Variants in KAZN observed in about 807,000 individuals in gnomAD.
KAZN encodes the protein kazrin.
In KAZN, 40 loss-of-function variants were observed where a neutral mutation model predicts 87.4. That is an observed-to-expected ratio of 0.46 (90% confidence interval 0.36 to 0.60). The LOEUF is 0.60. Among genes scored for constraint, KAZN ranks in the 20% least tolerant of loss-of-function variants. The pLI, the probability that KAZN is intolerant of heterozygous loss-of-function variation, is 0.00. For synonymous variants in KAZN, 466 were observed against 458.3 expected, an observed-to-expected ratio of 1.02 and a Z score of -0.22; for missense variants, 898 against 1,073.9, an observed-to-expected ratio of 0.84 and a Z score of 2.29.
chr1:14,300,384 A>G (rs1654460796), intron 2 of KAZN, among the ~76,000 whole-genome samples: 1 of 152,010 alleles, frequency 6.6e-6, no homozygotes. Context: ...GGTGCTCACT[A>G]CCATGCCCTG....
chr1:14,142,247 G>A (rs1645256311), intron 1 of KAZN, among the ~76,000 whole-genome samples: 3 of 151,974 alleles, frequency 2.0e-5, no homozygotes, highest in African/African-American at 4.8e-5. Flanking sequence ...AGCTGTGCCC[G>A]CTTGAAGTCT....
intron 1 of KAZN, among the ~76,000 whole-genome samples, chr1:14,112,597 A>G (rs1644524208): frequency 6.6e-6 from 1 of 152,132 alleles, no homozygotes; most frequent in Non-Finnish European, 1.5e-5. Context: ...TGACTCTGAT[A>G]AGATGTCACT....
At chr1:14,461,003 C>T (rs2480046) in intron 2 of KAZN, among the ~76,000 whole-genome samples, 1 of 151,910 alleles carries the variant, frequency 6.6e-6, no homozygotes, top group East Asian at 1.9e-4. Context: ...CCTGCGCTGT[C>T]GTCTGCCTGC....
chr1:14,212,073 G>A (rs142692608), intron 2 of KAZN, among the ~76,000 whole-genome samples: 65 of 152,220 alleles, frequency 4.3e-4, no homozygotes, highest in Middle Eastern at 3.4e-3. Flanking sequence ...AATGGTCCAC[G>A]GCTTTCACTC....
intron 2 of KAZN, among the ~76,000 whole-genome samples, chr1:14,225,690 A>G (rs146308291): frequency 2.0e-3 from 303 of 152,204 alleles, no homozygotes; most frequent in Middle Eastern, 3.4e-3. Flanking sequence ...GGCCAATGGA[A>G]CAGTAGTAAA....
intron 1 of KAZN, among the ~76,000 whole-genome samples, chr1:14,772,085 A>C (rs536892503): frequency 6.6e-6 from 1 of 152,224 alleles, no homozygotes; most frequent in East Asian, 1.9e-4. Context: ...ATCGGGTCCT[A>C]ATGGGTCTAT....
At chr1:14,943,491 C>G (rs180993625) in intron 1 of KAZN, among the ~76,000 whole-genome samples, 1 of 152,116 alleles carries the variant, frequency 6.6e-6, no homozygotes, top group African/African-American at 2.4e-5. Flanking sequence ...GGTCTCACAA[C>G]GAGAAGGCAG....
chr1:15,041,508 T>C (rs1672930207), intron 3 of KAZN, among the ~76,000 whole-genome samples: 1 of 151,746 alleles, frequency 6.6e-6, no homozygotes, highest in South Asian at 2.1e-4. Flanking sequence ...CAGCTAACTT[T>C]GTATTTTTAG....
chr1:14,093,842 T>C (rs1288098645), intron 1 of KAZN, among the ~76,000 whole-genome samples: 1 of 152,126 alleles, frequency 6.6e-6, no homozygotes, highest in Non-Finnish European at 1.5e-5. Flanking sequence ...CAGGTAGAAA[T>C]GCGATTGGAC....
intron 1 of KAZN, among the ~76,000 whole-genome samples, chr1:14,144,625 C>T (rs1645307437): frequency 6.6e-6 from 1 of 152,042 alleles, no homozygotes; most frequent in Admixed American, 6.6e-5. Context: ...TAACAGAATA[C>T]CTGAGACCAG....
chr1:14,867,939 C>A (rs1031248545), intron 1 of KAZN, among the ~76,000 whole-genome samples: 6 of 65,710 alleles, frequency 9.1e-5, no homozygotes, highest in African/African-American at 2.4e-4. Context: ...GCAGGCACAG[C>A]CTCACATAAG....
chr1:14,812,647 AG>A (rs1317003484), intron 1 of KAZN, among the ~76,000 whole-genome samples: 1 of 152,164 alleles, frequency 6.6e-6, no homozygotes, highest in Non-Finnish European at 1.5e-5. Context: ...CTGCATAGTT[AG>A]GACTACAGGT....
intron 1 of KAZN, among the ~76,000 whole-genome samples, chr1:14,040,080 C>CGTGTGTGTGTGTGCACGT (rs138590433): frequency 6.7e-6 from 1 of 148,722 alleles, no homozygotes; most frequent in African/African-American, 2.5e-5. Flanking sequence ...TGTGTGTGCA[C>CGTGTGTGTGTGTGCACGT]GTGTGTGTGT....
At chr1:14,924,084 C>T in intron 1 of KAZN, 9 of 960,900 alleles carry the variant, frequency 9.4e-6, no homozygotes, top group Non-Finnish European at 9.9e-6. Flanking sequence ...CGAGCCTCGG[C>T]AGTCGCCAGC....
Position 14,007,232 on chromosome 1 carries a change from T to C in KAZN, c.91+113476T>C, listed in dbSNP as rs920162220. Among the ~76,000 whole-genome samples, 49 of 152,338 alleles carry C rather than the reference T, an allele frequency of 3.2e-4. 1 individual carries two copies. Among genetic ancestry groups the C allele is most frequent in the African/African-American group, 8.4e-4 (35 of 41,588 alleles). ...GTTAATTAGTTCTAAAGTTCTTTCG[T>C]ATATATGTAGTCTTTAAGGTTTTCC... On this transcript the variant is annotated intron_variant, in intron 1 of 16. Coordinates refer to the KAZN transcript ENST00000636203.
intron 1 of KAZN, among the ~76,000 whole-genome samples, chr1:14,174,360 C>T (rs1209122254): frequency 1.3e-5 from 2 of 152,104 alleles, no homozygotes; most frequent in Non-Finnish European, 2.9e-5. Flanking sequence ...TATGTGTCAA[C>T]GTGATGTTGC....
chr1:13,907,505 G>C (rs1367942795), intron 1 of KAZN, among the ~76,000 whole-genome samples: 1 of 150,890 alleles, frequency 6.6e-6, no homozygotes, highest in African/African-American at 2.4e-5. Context: ...CTGTGTGTGT[G>C]TGTGTTGGGT....
chr1:14,656,732 A>T (rs754864867), intron 1 of KAZN, among the ~76,000 whole-genome samples: 8 of 152,170 alleles, frequency 5.3e-5, no homozygotes, highest in Non-Finnish European at 1.2e-4. Context: ...AAACCACCAG[A>T]TCTCGTGAGA....
At chr1:14,176,887 C>T (rs1221727909) in intron 1 of KAZN, among the ~76,000 whole-genome samples, 3 of 152,170 alleles carry the variant, frequency 2.0e-5, no homozygotes, top group African/African-American at 7.2e-5. Context: ...AGGTTGTTCG[C>T]AGTGGCTCAT....
Sources: allele counts gnomAD v4.1 joint callset (sites outside exome capture counted in the v4.1 genomes callset), GRCh38; gene constraint gnomAD v4.1.1; transcripts MANE v1.5; gene names NCBI Gene and HGNC (gene_info 2026-07-23, HGNC 2026-07-21).